LRRC2: variants seen among roughly 807,000 people sequenced by gnomAD.
LRRC2 encodes leucine-rich repeat-containing protein 2.
In LRRC2, 27 loss-of-function variants were observed where a neutral mutation model predicts 40.2. That is an observed-to-expected ratio of 0.67 (90% CI 0.49 to 0.93). The LOEUF is 0.93. Among genes scored for constraint, LRRC2 ranks in the 40% least tolerant of loss-of-function variants. The probability of loss-of-function intolerance (pLI) is 0.00; values close to 1 mark genes in which losing one functional copy is unlikely to be tolerated. For missense variants in LRRC2, 402 were observed against 439.6 expected, an observed-to-expected ratio of 0.91 and a Z score of 0.76; for synonymous variants, 147 against 158.9, an observed-to-expected ratio of 0.92 and a Z score of 0.56.
chr3:46,539,190 A>C lies in LRRC2; in HGVS notation c.345T>G (p.Asp115Glu). The C allele has an allele frequency of 6.2e-7, 1 of 1,613,608 alleles. No homozygotes were observed. Among genetic ancestry groups the C allele is most frequent in the Non-Finnish European group, 8.5e-7 (1 of 1,179,750 alleles). ...LSGEHWTELP[D>E]SLKEQTHLRE... ...TCAGGTGTGTCTGCTCCTTCAATGA[A>C]TCTGGGAGCTCCTAAAATAGAAAGA... is the stretch of plus-strand genomic sequence containing the variant. The change falls in exon 4 of 9, where the codon GAT becomes GAG. Residue 115 changes from aspartate to glutamate, a missense_variant. Transcript: ENST00000395905.
chr3:46,548,459 TTGTCTTTTCAC>T (rs1704574973), intron 2 of LRRC2, among the ~76,000 whole-genome samples: 1 of 152,210 alleles, frequency 6.6e-6, no homozygotes, highest in African/African-American at 2.4e-5. Context: ...ATAAAATTCG[TTGTCTTTTCAC>T]TCTATCACCC....
intron 3 of LRRC2, among the ~76,000 whole-genome samples, chr3:46,541,390 A>G (rs556884304): frequency 1.6e-4 from 24 of 152,278 alleles, no homozygotes; most frequent in Admixed American, 1.6e-3. Flanking sequence ...TGAAATAGAA[A>G]TGAAAAGAAT....
Position 46,529,893 on chromosome 3 carries a change from G to C in LRRC2, c.773+12C>G, listed in dbSNP as rs1333604386. Reference sequence around the variant, plus strand: ...TAATACATACACCTCACCTTAGAATGCAAGTAGCTACCTGTCTATATCTTG... The same window carrying C: ...TAATACATACACCTCACCTTAGAATCCAAGTAGCTACCTGTCTATATCTTG... On this transcript the variant is annotated intron_variant, in intron 6 of 8. Coordinates refer to ENST00000395905, the MANE Select transcript of LRRC2 (RefSeq NM_024512.5). 1 of 1,613,766 alleles carries C rather than the reference G, an allele frequency of 6.2e-7. No individual in the cohort carries two copies. The highest frequency in any genetic ancestry group is 8.5e-7 in the Non-Finnish European group (1 of 1,179,906).
At chr3:46,554,025 TG>T (rs1269517800) in intron 1 of LRRC2, among the ~76,000 whole-genome samples, 7 of 150,580 alleles carry the variant, frequency 4.6e-5, no homozygotes, top group East Asian at 2.0e-4. Context: ...GTTTTTTTGT[TG>T]TTTTTTTTCC....
rs1313831139 is a variant in LRRC2, at chr3:46,518,006, C to T, written c.*1008G>A. The T allele has an allele frequency of 2.0e-5, 3 of 152,258 alleles. No individual in the cohort carries two copies. The highest frequency in any genetic ancestry group is 7.2e-5 in the African/African-American group (3 of 41,440). The allele number at this position is 152,258 out of a possible 1,614,324, so 9.4% of individuals were successfully genotyped here. A position where few individuals can be genotyped will look rare whatever the true frequency, so the allele number is the denominator to read the frequency against. On this transcript the variant is annotated 3_prime_UTR_variant, in exon 9 of 9. Transcript: ENST00000395905. ...TTTACTGAGGTGTGTCCCAGGACCC[C>T]CAGGGTGACCACTCAGGACTGGATG...
intron 5 of LRRC2, among the ~76,000 whole-genome samples, chr3:46,532,416 C>G (rs1704178442): frequency 6.6e-6 from 1 of 152,070 alleles, no homozygotes; most frequent in African/African-American, 2.4e-5. Context: ...ACCAGCCTGG[C>G]CAACATAGTG....
Position 46,518,237 on chromosome 3 carries a change from TAGC to T in LRRC2, c.*774_*776del, listed in dbSNP as rs1703899242. 6.6e-6 allele frequency: 1 copy of T among 152,202 alleles called. No individual in the cohort carries two copies. The highest frequency in any genetic ancestry group is 1.9e-4 in the East Asian group (1 of 5,208). The allele number at this position is 152,202 out of a possible 1,614,324, so 9.4% of individuals were successfully genotyped here. ...AAATATAACTTAAAACATATGGAAA[TAGC>T]AGTTTATATAAACTCAAGGAAGATT... On this transcript the variant is annotated 3_prime_UTR_variant, in exon 9 of 9. Transcript: ENST00000395905.
Position 46,545,254 on chromosome 3 carries a change from C to G in LRRC2, c.126-1G>C. The stretch of plus-strand genomic sequence containing the variant: ...CACAAAGTTCCACTCCTCCTTTATC[C>G]TAAAACAGGCAGCAGGGGTCACAGT... On this transcript the variant is annotated splice_acceptor_variant, in intron 2 of 8. Coordinates refer to ENST00000395905, the MANE Select transcript of LRRC2 (RefSeq NM_024512.5). LOFTEE classifies it high-confidence loss of function. The G allele has an allele frequency of 6.2e-7, 1 of 1,613,780 alleles. No individual in the cohort carries two copies. The highest frequency in any genetic ancestry group is 1.1e-5 in the South Asian group (1 of 91,052).
intron 4 of LRRC2, among the ~76,000 whole-genome samples, chr3:46,533,791 C>CTTTG (rs1559411931): frequency 6.3e-4 from 85 of 135,700 alleles, no homozygotes; most frequent in Admixed American, 2.0e-3. Context: ...TTCTTTCTTT[C>CTTTG]TTTCTTTGTT....
At position 46,527,509 on chromosome 3, in the gene LRRC2, C is replaced by T; in HGVS notation, c.846G>A (p.Leu282=). ...LTYLPYSMLN[L]KKLTLLVVSG... ...TGACGACTAACAGAGTGAGCTTCTT[C>T]AGGTTCAGCATGGAATAGGGAAGGT... The change falls in exon 7 of 9, where the codon CTG becomes CTA. Residue 282 remains leucine, a synonymous_variant. Coordinates refer to ENST00000395905, the MANE Select transcript of LRRC2 (RefSeq NM_024512.5). 1 of 1,613,998 alleles carries T rather than the reference C, an allele frequency of 6.2e-7. No homozygotes were observed. The highest frequency in any genetic ancestry group is 8.5e-7 in the Non-Finnish European group (1 of 1,179,906).
intron 6 of LRRC2, 21 bp downstream of exon 6, chr3:46,529,884 C>T: frequency 6.2e-7 from 1 of 1,613,806 alleles, no homozygotes; most frequent in Non-Finnish European, 8.5e-7. Context: ...ATACACCTCA[C>T]CTTAGAATGC....
intron 4 of LRRC2, among the ~76,000 whole-genome samples, chr3:46,536,746 G>T (rs1335058349): frequency 6.6e-6 from 1 of 152,164 alleles, no homozygotes; most frequent in Non-Finnish European, 1.5e-5. Context: ...TGTAGCCAGG[G>T]TGAAAACCAC....
intron 3 of LRRC2, among the ~76,000 whole-genome samples, chr3:46,543,578 T>C (rs746329662): frequency 1.3e-5 from 2 of 151,458 alleles, no homozygotes; most frequent in East Asian, 3.9e-4. Context: ...ATCGCACCAC[T>C]GTGCTCCAGC....
chr3:46,553,992 T>A (rs923837888), intron 1 of LRRC2, among the ~76,000 whole-genome samples: 3 of 151,844 alleles, frequency 2.0e-5, no homozygotes, highest in Non-Finnish European at 4.4e-5. Flanking sequence ...GTTGTTGTTG[T>A]TGTTTCATTG....
chr3:46,560,807 C>T (rs1160818151), intron 1 of LRRC2, among the ~76,000 whole-genome samples: 3 of 152,142 alleles, frequency 2.0e-5, no homozygotes, highest in East Asian at 3.9e-4. Context: ...AATGATGAGA[C>T]AGAAGGAGAA....
intron 1 of LRRC2, among the ~76,000 whole-genome samples, chr3:46,561,241 GA>G (rs1426455842): frequency 1.3e-5 from 2 of 151,970 alleles, no homozygotes; most frequent in Non-Finnish European, 2.9e-5. Flanking sequence ...TAGGTATGGT[GA>G]AAAAGGGGCA....
intron 3 of LRRC2, among the ~76,000 whole-genome samples, chr3:46,543,675 T>C (rs886441311): frequency 3.3e-4 from 50 of 151,296 alleles, no homozygotes; most frequent in African/African-American, 1.1e-3. Context: ...TTTACAATGA[T>C]TTTCAAAAGG....
chr3:46,539,159 A>G lies in LRRC2; in HGVS notation c.376T>C (p.Trp126Arg), dbSNP rs1271800006. The G allele has an allele frequency of 6.2e-7, 1 of 1,614,010 alleles. No homozygotes were observed. Among genetic ancestry groups the G allele is most frequent in the East Asian group, 2.2e-5 (1 of 44,890 alleles). ...TGAATCAAGGTATTGCTTATGTACC[A>G]TTCTCTCAGGTGTGTCTGCTCCTTC... Reference protein sequence around the residue: ...SLKEQTHLREWYISNTLIQII... With the variant: ...SLKEQTHLRERYISNTLIQII... Residue 126 changes from tryptophan to arginine, a missense_variant, in exon 4 of 9, where the codon TGG (tryptophan) becomes CGG (arginine). Trp to Arg is a moderately radical substitution (Grantham distance 101, BLOSUM62 -3). Transcript: ENST00000395905.
chr3:46,563,396 C>A (rs1190316255), intron 1 of LRRC2, among the ~76,000 whole-genome samples: 1 of 152,122 alleles, frequency 6.6e-6, no homozygotes, highest in Non-Finnish European at 1.5e-5. Flanking sequence ...TGCCCTCGGC[C>A]TGCCCATCCC....
Sources: gnomAD v4.1 joint callset for allele counts (sites outside exome capture counted in the v4.1 genomes callset) on GRCh38, gnomAD v4.1.1 for gene constraint, MANE v1.5 for transcripts, NCBI Gene and HGNC (gene_info 2026-07-23, HGNC 2026-07-21) for gene names.